Variants in GRM5 observed in about 807,000 individuals in gnomAD.
GRM5 encodes metabotropic glutamate receptor 5.
GRM5 carries 19 observed loss-of-function variants against 83.1 expected under a neutral mutation model. That is an observed-to-expected ratio of 0.23 (90% confidence interval 0.16 to 0.34). The LOEUF is 0.34. Ranked by LOEUF, GRM5 falls within the 10% of genes least tolerant of loss-of-function variation. The pLI is 1.00. For missense variants in GRM5, 1,160 were observed against 1,588.3 expected, an observed-to-expected ratio of 0.73 and a Z score of 4.58; for synonymous variants, 675 against 633.6, an observed-to-expected ratio of 1.07 and a Z score of -0.98.
intron 6 of GRM5, among the ~76,000 whole-genome samples, chr11:88,593,778 CTCTCTCTT>C (rs1313964836): frequency 4.2e-5 from 4 of 95,336 alleles, no homozygotes; most frequent in Non-Finnish European, 1.1e-4. Flanking sequence ...CTCTCTCTCT[CTCTCTCTT>C]TCTCTCTTTT....
At chr11:88,637,081 C>G (rs567879557) in intron 4 of GRM5, among the ~76,000 whole-genome samples, 105 of 152,018 alleles carry the variant, frequency 6.9e-4, no homozygotes, top group African/African-American at 2.5e-3. Context: ...TTTTCCAATT[C>G]TGTGAAGAAA....
intron 1 of GRM5, among the ~76,000 whole-genome samples, chr11:89,058,800 C>A (rs1039235502): frequency 6.6e-6 from 1 of 152,166 alleles, no homozygotes; most frequent in Middle Eastern, 3.2e-3. Context: ...CTACGATATA[C>A]TTCCCGAATT....
intron 2 of GRM5, among the ~76,000 whole-genome samples, chr11:88,852,345 C>T (rs1944402363): frequency 6.6e-6 from 1 of 152,086 alleles, no homozygotes; most frequent in African/African-American, 2.4e-5. Flanking sequence ...TCTGAAGTAA[C>T]ACTGCTTAAT....
chr11:88,854,742 C>T (rs566395204), intron 2 of GRM5, among the ~76,000 whole-genome samples: 1 of 151,410 alleles, frequency 6.6e-6, no homozygotes, highest in East Asian at 1.9e-4. Context: ...GGCAATATAC[C>T]CATGTAACAA....
intron 9 of GRM5, among the ~76,000 whole-genome samples, chr11:88,524,872 G>A (rs1941827348): frequency 1.3e-5 from 2 of 152,354 alleles, no homozygotes; most frequent in African/African-American, 4.8e-5. Context: ...GGCTTGTCCA[G>A]GATCAGGGGC....
At chr11:88,606,429 G>A (rs1938144933) in intron 4 of GRM5, among the ~76,000 whole-genome samples, 1 of 152,234 alleles carries the variant, frequency 6.6e-6, no homozygotes. Flanking sequence ...GGCTGAGGCA[G>A]GAGAATCCCT....
intron 3 of GRM5, among the ~76,000 whole-genome samples, chr11:88,741,623 T>C (rs998262588): frequency 1.3e-5 from 2 of 152,132 alleles, no homozygotes; most frequent in African/African-American, 2.4e-5. Context: ...ATCTATACTA[T>C]AGTATATTAA....
intron 3 of GRM5, among the ~76,000 whole-genome samples, chr11:88,838,077 T>C (rs1944124659): frequency 1.7e-5 from 1 of 58,830 alleles, no homozygotes; most frequent in African/African-American, 5.5e-5. Flanking sequence ...AGAGCGAGAC[T>C]CCATCTCAAA....
At position 88,848,993 on chromosome 11, in the gene GRM5, T is replaced by C. The variant is rs1944345164; in HGVS notation, c.911+913A>G. 2.0e-5 allele frequency among the ~76,000 whole-genome samples: 3 copies of C among 152,312 alleles called. No individual in the cohort carries two copies. The South Asian group carries it at 6.2e-4, about 32-fold the overall frequency. ...ACTTGGACTGAAACATTGGCTCATC[T>C]TGAATTGCAAGCCTACCAACTTTCA... On this transcript the variant is annotated intron_variant, in intron 3 of 9. Coordinates refer to ENST00000305447, the MANE Select transcript of GRM5 (RefSeq NM_001143831.3).
intron 7 of GRM5, among the ~76,000 whole-genome samples, chr11:88,571,845 T>G (rs1200000494): frequency 6.6e-6 from 1 of 152,048 alleles, no homozygotes; most frequent in Non-Finnish European, 1.5e-5. Flanking sequence ...CAGGAGGCTG[T>G]GATGGCAAGT....
intron 8 of GRM5, among the ~76,000 whole-genome samples, chr11:88,557,718 T>G (rs888609004): frequency 1.2e-4 from 19 of 152,054 alleles, no homozygotes; most frequent in African/African-American, 4.3e-4. Context: ...CCCAGTATGG[T>G]GTATTCCACG....
intron 3 of GRM5, among the ~76,000 whole-genome samples, chr11:88,776,247 A>G (rs1237441838): frequency 6.6e-6 from 1 of 152,142 alleles, no homozygotes; most frequent in African/African-American, 2.4e-5. Context: ...GTTTTATCAT[A>G]GAATAGGATT....
chr11:88,564,064 G>A (rs555704523), intron 8 of GRM5, among the ~76,000 whole-genome samples: 1 of 152,244 alleles, frequency 6.6e-6, no homozygotes, highest in African/African-American at 2.4e-5. Context: ...AGCTTTCCCT[G>A]CCCCTTTTTC....
At chr11:88,576,448 C>T (rs910553549) in intron 7 of GRM5, among the ~76,000 whole-genome samples, 3 of 152,046 alleles carry the variant, frequency 2.0e-5, no homozygotes, top group Admixed American at 6.6e-5. Flanking sequence ...ACCTGGCACA[C>T]AATAGGCAGT....
intron 3 of GRM5, among the ~76,000 whole-genome samples, chr11:88,710,036 T>C: frequency 6.6e-6 from 1 of 152,102 alleles, no homozygotes; most frequent in Non-Finnish European, 1.5e-5. Flanking sequence ...ACAACTTCAA[T>C]TGTTTCAAAT....
chr11:88,605,208 C>A (rs182956414), intron 4 of GRM5, among the ~76,000 whole-genome samples: 1 of 152,158 alleles, frequency 6.6e-6, no homozygotes, highest in Non-Finnish European at 1.5e-5. Flanking sequence ...GCAAGATCCA[C>A]TTTCTTCCAA....
chr11:88,991,980 A>C (rs1357023867), intron 2 of GRM5, among the ~76,000 whole-genome samples: 1 of 152,174 alleles, frequency 6.6e-6, no homozygotes, highest in Non-Finnish European at 1.5e-5. Context: ...AAAACACCAA[A>C]AGCAATGGCA....
rs188217466 is a variant in GRM5 at position 89,060,945 on chromosome 11, C to G, written c.-201+4831G>C. On this transcript the variant is annotated intron_variant, in intron 1 of 9. Transcript: ENST00000305447. ...AAGCTTCACTCACTGACTAAAATGACTAGAATTAATATTTCTCTGAATATG... is the reference window on the plus strand; with the variant it reads ...AAGCTTCACTCACTGACTAAAATGAGTAGAATTAATATTTCTCTGAATATG... Among the ~76,000 whole-genome samples, 112 of 152,182 alleles carry G rather than the reference C, an allele frequency of 7.4e-4. 1 individual carries two copies. In the Middle Eastern group the frequency reaches 0.014, roughly 19 times the overall value.
In GRM5 at chr11:88,505,126, C is replaced by G. The variant is rs1001304423; in HGVS notation, c.*3466G>C. The stretch of plus-strand genomic sequence containing the variant: ...TAGAGACTCTCCCAGGCCTCAGACC[C>G]TCTTCAAAGTGAATTCTGACTTGTC... On this transcript the variant is annotated 3_prime_UTR_variant, in exon 10 of 10. Transcript: ENST00000305447. The G allele has an allele frequency of 2.6e-5, 4 of 152,190 alleles. 1 individual carries two copies. The highest frequency in any genetic ancestry group is 9.6e-5 in the African/African-American group (4 of 41,456). 9.4% of individuals were successfully genotyped at this position (152,190 alleles called of 1,614,324 possible).
Sources: gnomAD v4.1 joint callset for allele counts (sites outside exome capture counted in the v4.1 genomes callset) on GRCh38, gnomAD v4.1.1 for gene constraint, MANE v1.5 for transcripts, NCBI Gene and HGNC (gene_info 2026-07-23, HGNC 2026-07-21) for gene names.